Variants in FGL1 observed in about 807,000 individuals in gnomAD.
FGL1 encodes fibrinogen like 1, also known as fibrinogen-like protein 1.
A neutral mutation model predicts 43.7 loss-of-function variants in FGL1; 59 were observed. That is an observed-to-expected ratio of 1.35 (90% confidence interval 1.10 to 1.68). The LOEUF is 1.68. Among genes scored for constraint, FGL1 ranks in the 40% most tolerant of loss-of-function variants. The pLI is 0.00. For synonymous variants in FGL1, 192 were observed against 126.5 expected, an observed-to-expected ratio of 1.52 and a Z score of -3.48; for missense variants, 596 against 373.0, an observed-to-expected ratio of 1.60 and a Z score of -4.92.
chr8:17,875,543 T>TCTCTCTC (rs1563452419), intron 3 of FGL1, among the ~76,000 whole-genome samples: 4 of 16,828 alleles, frequency 2.4e-4, no homozygotes, highest in African/African-American at 6.7e-4. Context: ...TTCTCTTTCT[T>TCTCTCTC]TCTTTCTTTC....
chr8:17,875,547 T>TTCTCTC (rs1435546270), intron 3 of FGL1, among the ~76,000 whole-genome samples: 2 of 16,268 alleles, frequency 1.2e-4, no homozygotes, highest in East Asian at 1.3e-3. Context: ...CTTTCTTTCT[T>TTCTCTC]TCTTTCTTTC....
In FGL1 at chr8:17,882,402, A is replaced by G. The variant is rs146497641; in HGVS notation, c.64-223T>C. ...ACTCCTGGACTCAAAAGATCAAATA[A>G]TATAAAATAATTGGAATCGCTATGC... On this transcript the variant is annotated intron_variant, in intron 2 of 7. Transcript: ENST00000427924. 388 of 411,184 alleles carry G rather than the reference A, an allele frequency of 9.4e-4. 2 individuals carry two copies. The highest frequency in any genetic ancestry group is 7.3e-3 in the African/African-American group (358 of 48,798). 25.5% of individuals were successfully genotyped at this position (411,184 alleles called of 1,614,324 possible).
At position 17,877,852 on chromosome 8, in the gene FGL1, G is replaced by C. The variant is rs541883224; in HGVS notation, c.245-3331C>G. Among the ~76,000 whole-genome samples, 65 of 152,336 alleles carry C rather than the reference G, an allele frequency of 4.3e-4. 2 individuals are homozygous for C. The South Asian group carries it at 0.013, about 31-fold the overall frequency. On this transcript the variant is annotated intron_variant, in intron 3 of 7. Transcript: ENST00000427924. Reference sequence around the variant, plus strand: ...GAATGCGATACTCTTGTAGGGTAGAGTGAGTAGGCTTTCTTCCTTGAAAAC... The same window carrying C: ...GAATGCGATACTCTTGTAGGGTAGACTGAGTAGGCTTTCTTCCTTGAAAAC...
Position 17,874,027 on chromosome 8 carries a change from G to T in FGL1, c.494C>A (p.Thr165Asn), listed in dbSNP as rs759833729. 2.5e-6 allele frequency: 4 copies of T among 1,607,036 alleles called. No homozygotes were observed. Among genetic ancestry groups the T allele is most frequent in the Admixed American group, 1.7e-5 (1 of 58,406 alleles). ...CATCATTCAAACCTTACCTTGAGTG[G>T]TCAAGAAGTGAAGATTTTTATTGCC... Reference protein sequence around the residue: ...WLGNKNLHFLTTQEDYTLKID... With the variant: ...WLGNKNLHFLNTQEDYTLKID... Residue 165 changes from threonine (T) to asparagine (N), a missense_variant, in exon 5 of 8, where the codon ACC (threonine) becomes AAC (asparagine). By Grantham distance (65) the Thr-to-Asn change is moderately conservative. Transcript: ENST00000427924.
intron 2 of FGL1, among the ~76,000 whole-genome samples, chr8:17,882,822 A>AATATATAATATATATCG (rs1563457647): frequency 6.8e-5 from 2 of 29,280 alleles, no homozygotes; most frequent in Non-Finnish European, 1.7e-4. Flanking sequence ...ATAATATATC[A>AATATATAATATATATCG]TATATAATAT....
rs184476265 is a variant in FGL1, at chr8:17,864,622, C to A, written c.909G>T (p.Arg303Ser). ...TTACATTTGGAATAAAATCATTTGGCCTAATTTTCATAACCACAGATTTCA... is the reference window on the plus strand; with the variant it reads ...TTACATTTGGAATAAAATCATTTGGACTAATTTTCATAACCACAGATTTCA... The part of the protein sequence containing the change: ...YSLKSVVMKI[R>S]PNDFIPNVI Residue 303 changes from arginine to serine, a missense_variant, in exon 8 of 8, where the codon AGG becomes AGT. Coordinates refer to ENST00000427924, the MANE Select transcript of FGL1 (RefSeq NM_004467.4). 2.5e-6 allele frequency: 4 copies of A among 1,609,848 alleles called. No homozygotes were observed. The East Asian group carries it at 8.9e-5, about 36-fold the overall frequency.
At chr8:17,887,791 C>A (rs963159667) in intron 1 of FGL1, among the ~76,000 whole-genome samples, 2 of 150,822 alleles carry the variant, frequency 1.3e-5, no homozygotes, top group Non-Finnish European at 2.9e-5. Flanking sequence ...GCCGAGATCA[C>A]GCCACTGCAC....
intron 3 of FGL1, among the ~76,000 whole-genome samples, chr8:17,878,634 G>T (rs189511574): frequency 6.6e-6 from 1 of 152,220 alleles, no homozygotes; most frequent in East Asian, 1.9e-4. Context: ...AAAAGATACA[G>T]CTTAATAGTA....
chr8:17,874,339 GTCTTACA>G lies in FGL1; in HGVS notation c.404+16_404+22del. The G allele has an allele frequency of 6.2e-7, 1 of 1,607,170 alleles. No individual in the cohort carries two copies. Among genetic ancestry groups the G allele is most frequent in the Non-Finnish European group, 8.5e-7 (1 of 1,176,506 alleles). The stretch of plus-strand genomic sequence containing the variant: ...TCTCACATTTGCTGCTACATATAAA[GTCTTACA>G]TCATAATTAGCACACCTGTTAAAGT... On this transcript the variant is annotated intron_variant, in intron 4 of 7. Transcript: ENST00000427924.
chr8:17,864,450 A>C lies in FGL1; in HGVS notation c.*142T>G, dbSNP rs1041245244. 1.2e-6 allele frequency: 1 copy of C among 816,880 alleles called. No individual in the cohort carries two copies. The highest frequency in any genetic ancestry group is 1.9e-6 in the Non-Finnish European group (1 of 539,512). The allele number at this position is 816,880 out of a possible 1,614,324, so 50.6% of individuals were successfully genotyped here. ...ATATCTGCTGTACTGAAAGCACATTAAGTAACAAAGGCAAGTGAGAAGAAT... is the reference window on the plus strand; with the variant it reads ...ATATCTGCTGTACTGAAAGCACATTCAGTAACAAAGGCAAGTGAGAAGAAT... On this transcript the variant is annotated 3_prime_UTR_variant, in exon 8 of 8. Transcript: ENST00000427924.
intron 5 of FGL1, among the ~76,000 whole-genome samples, chr8:17,873,718 CTATA>C (rs1017935833): frequency 6.7e-6 from 1 of 149,154 alleles, no homozygotes; most frequent in Non-Finnish European, 1.5e-5. Context: ...TTCTATATAT[CTATA>C]TATAGCTACA....
chr8:17,887,146 C>T (rs945158725), intron 1 of FGL1, among the ~76,000 whole-genome samples: 1 of 148,658 alleles, frequency 6.7e-6, no homozygotes, highest in African/African-American at 2.5e-5. Context: ...TCTCTTGCAG[C>T]CAGGCAACCG....
chr8:17,878,444 C>T (rs1377330391), intron 3 of FGL1, among the ~76,000 whole-genome samples: 1 of 152,142 alleles, frequency 6.6e-6, no homozygotes, highest in African/African-American at 2.4e-5. Context: ...ACTTTGTAAC[C>T]TGCCTCAAGA....
chr8:17,873,668 A>G (rs2131705872), intron 5 of FGL1, among the ~76,000 whole-genome samples: 1 of 144,212 alleles, frequency 6.9e-6, no homozygotes, highest in South Asian at 2.2e-4. Context: ...GAATATATAT[A>G]TATTCTATAT....
chr8:17,891,793 C>T, intron 1 of FGL1: 1 of 983,892 alleles, frequency 1.0e-6, no homozygotes, highest in Non-Finnish European at 1.2e-6. Context: ...TTATCAGATT[C>T]CCTCCATCTT....
chr8:17,868,415 A>G, intron 7 of FGL1, 133 bp downstream of exon 7: 1 of 650,900 alleles, frequency 1.5e-6, no homozygotes, highest in Non-Finnish European at 2.2e-6. Flanking sequence ...AAGAATTCTA[A>G]TGAGAATGAT....
At chr8:17,869,869 G>T (rs1350170700) in intron 5 of FGL1, among the ~76,000 whole-genome samples, 1 of 152,170 alleles carries the variant, frequency 6.6e-6, no homozygotes, top group Non-Finnish European at 1.5e-5. Flanking sequence ...CAGCACTTTG[G>T]GAGGCCGAGG....
intron 5 of FGL1, among the ~76,000 whole-genome samples, chr8:17,871,860 G>T (rs1239563704): frequency 1.3e-5 from 2 of 152,176 alleles, no homozygotes; most frequent in Non-Finnish European, 2.9e-5. Flanking sequence ...GAACAGGTTT[G>T]TTGGCAAAGT....
chr8:17,883,133 AATAATAT>A (rs2053570618), intron 2 of FGL1, among the ~76,000 whole-genome samples: 1 of 73,446 alleles, frequency 1.4e-5, no homozygotes, highest in African/African-American at 6.8e-5. Flanking sequence ...TAATATATTA[AATAATAT>A]ATAATATATA....
Sources: allele counts gnomAD v4.1 joint callset (sites outside exome capture counted in the v4.1 genomes callset), GRCh38; gene constraint gnomAD v4.1.1; transcripts MANE v1.5; gene names NCBI Gene and HGNC (gene_info 2026-07-23, HGNC 2026-07-21).